ADGRL3: variants seen among roughly 807,000 people sequenced by gnomAD.
The protein encoded by ADGRL3 is calcium-independent alpha-latrotoxin receptor 3.
Under a neutral mutation model 153.5 loss-of-function variants are expected in ADGRL3, and 62 were observed. The observed-to-expected ratio is 0.40, with a 90% CI of 0.33 to 0.50. ADGRL3 has a LOEUF of 0.50. ADGRL3 is among the 20% of genes least tolerant of loss of function. The pLI, the probability that ADGRL3 is intolerant of heterozygous loss-of-function variation, is 0.47. For missense variants in ADGRL3, 1,641 were observed against 1,859.4 expected, an observed-to-expected ratio of 0.88 and a Z score of 2.16; for synonymous variants, 710 against 672.5, an observed-to-expected ratio of 1.06 and a Z score of -0.86.
At chr4:61,808,792 CT>C (rs79256517) in intron 8 of ADGRL3, among the ~76,000 whole-genome samples, 398 of 128,654 alleles carry the variant, frequency 3.1e-3, no homozygotes, top group Admixed American at 3.2e-3. Context: ...AGAAATCGGG[CT>C]TTTTTTTTTT....
At chr4:61,442,599 A>G (rs1463145571) in intron 2 of ADGRL3, among the ~76,000 whole-genome samples, 1 of 152,138 alleles carries the variant, frequency 6.6e-6, no homozygotes, top group African/African-American at 2.4e-5. Flanking sequence ...TGAGGAGTAG[A>G]AGAAAATAGT....
intron 9 of ADGRL3, among the ~76,000 whole-genome samples, chr4:61,878,824 C>A (rs2098491609): frequency 5.9e-5 from 9 of 152,028 alleles, no homozygotes; most frequent in Admixed American, 5.9e-4. Flanking sequence ...TTTTTACATT[C>A]CCTTGTGTGA....
intron 9 of ADGRL3, among the ~76,000 whole-genome samples, chr4:61,847,812 T>TATATATATATAATATAAA (rs1561351605): frequency 2.8e-4 from 2 of 7,024 alleles, no homozygotes; most frequent in African/African-American, 4.0e-4. Context: ...TAAAATATAT[T>TATATATATATAATATAAA]ATATATATAT....
chr4:61,847,643 TAATATAA>T (rs1159159404), intron 9 of ADGRL3, among the ~76,000 whole-genome samples: 3 of 51,502 alleles, frequency 5.8e-5, no homozygotes, highest in East Asian at 8.8e-4. Context: ...ATTATATATA[TAATATAA>T]AATATATTAT....
At chr4:61,663,690 C>T (rs2094687898) in intron 5 of ADGRL3, among the ~76,000 whole-genome samples, 1 of 152,176 alleles carries the variant, frequency 6.6e-6, no homozygotes, top group Admixed American at 6.6e-5. Context: ...AAAGTGACAT[C>T]CCACGTCTCC....
intron 5 of ADGRL3, among the ~76,000 whole-genome samples, chr4:61,663,694 C>T (rs573212800): frequency 4.6e-5 from 7 of 152,312 alleles, no homozygotes; most frequent in Admixed American, 6.5e-5. Context: ...TGACATCCCA[C>T]GTCTCCTGTG....
rs146722627 is a variant in ADGRL3, at chr4:62,070,615, C to T, written c.4339C>T (p.Pro1447Ser). The T allele has an allele frequency of 1.3e-6, 2 of 1,551,748 alleles. No individual in the cohort carries two copies. The highest frequency in any genetic ancestry group is 2.7e-5 in the African/African-American group (2 of 73,070). Residue 1447 changes from proline to serine, a missense_variant, in exon 27 of 27, where the codon CCC becomes TCC. Pro to Ser is a moderately conservative substitution (Grantham distance 74). Transcript: ENST00000683033. ...TNEHTEDLQS[P>S]HRDSLYTSMP... ...CGAGCACACAGAAGATCTCCAGTCA[C>T]CCCATAGAGACTCTCTCTATACCAG...
intron 2 of ADGRL3, among the ~76,000 whole-genome samples, chr4:61,472,990 G>C (rs940455781): frequency 2.6e-5 from 4 of 152,094 alleles, no homozygotes; most frequent in Non-Finnish European, 5.9e-5. Context: ...GCTTGTCAGT[G>C]CTACAAATAA....
chr4:61,710,200 T>A (rs1391951370), intron 6 of ADGRL3, among the ~76,000 whole-genome samples: 1 of 152,150 alleles, frequency 6.6e-6, no homozygotes, highest in Non-Finnish European at 1.5e-5. Flanking sequence ...TCAAAGCCTT[T>A]CTCCTTTGTG....
intron 1 of ADGRL3, among the ~76,000 whole-genome samples, chr4:61,266,895 A>G (rs1304356546): frequency 1.3e-5 from 2 of 151,726 alleles, no homozygotes; most frequent in African/African-American, 4.8e-5. Context: ...GTTCAAAATC[A>G]TAATTTCATT....
chr4:61,226,475 G>A (rs75021748), intron 1 of ADGRL3, among the ~76,000 whole-genome samples: 3,863 of 152,166 alleles, frequency 0.025, 196 homozygotes, highest in East Asian at 0.23. Flanking sequence ...CACATGTGTG[G>A]TTATTTTAAT....
chr4:61,975,593 A>C (rs1289544057), intron 17 of ADGRL3, among the ~76,000 whole-genome samples: 1 of 152,174 alleles, frequency 6.6e-6, no homozygotes, highest in Non-Finnish European at 1.5e-5. Flanking sequence ...TGTGACTTAT[A>C]TATAAAAAGA....
intron 25 of ADGRL3, among the ~76,000 whole-genome samples, chr4:62,052,632 G>T (rs1450449088): frequency 6.6e-6 from 1 of 151,232 alleles, no homozygotes; most frequent in Non-Finnish European, 1.5e-5. Flanking sequence ...TTTCCTGGAA[G>T]CTTTCAAAGT....
intron 1 of ADGRL3, among the ~76,000 whole-genome samples, chr4:61,207,470 C>T (rs1737859027): frequency 6.6e-6 from 1 of 152,116 alleles, no homozygotes; most frequent in Admixed American, 6.5e-5. Context: ...TGGGTTGGTT[C>T]CAAGTCTTTG....
At chr4:61,415,059 T>G (rs188667898) in intron 2 of ADGRL3, among the ~76,000 whole-genome samples, 1 of 152,030 alleles carries the variant, frequency 6.6e-6, no homozygotes, top group East Asian at 1.9e-4. Flanking sequence ...CTTATTTTAT[T>G]TTGACATTAG....
chr4:61,299,718 G>C (rs1042869216), intron 1 of ADGRL3, among the ~76,000 whole-genome samples: 1 of 152,034 alleles, frequency 6.6e-6, no homozygotes, highest in Non-Finnish European at 1.5e-5. Context: ...GTATACGTGA[G>C]GGCTATTGGT....
At chr4:61,687,186 T>G (rs965963729) in intron 6 of ADGRL3, among the ~76,000 whole-genome samples, 1 of 152,006 alleles carries the variant, frequency 6.6e-6, no homozygotes, top group African/African-American at 2.4e-5. Flanking sequence ...AAATACTTAT[T>G]ATATGATAGG....
chr4:61,883,801 TGTTGTAGCGTCC>T, intron 9 of ADGRL3, among the ~76,000 whole-genome samples: 1 of 152,244 alleles, frequency 6.6e-6, no homozygotes, highest in Non-Finnish European at 1.5e-5. Flanking sequence ...TAATTGATGA[TGTTGTAGCGTCC>T]ATAAGATACA....
chr4:61,749,046 A>C (rs182344215), intron 8 of ADGRL3, among the ~76,000 whole-genome samples: 1 of 150,510 alleles, frequency 6.6e-6, no homozygotes, highest in Non-Finnish European at 1.5e-5. Context: ...AAAAGTGGGC[A>C]AAGGACATGA....
Sources: gnomAD v4.1 joint callset for allele counts (sites outside exome capture counted in the v4.1 genomes callset) on GRCh38, gnomAD v4.1.1 for gene constraint, MANE v1.5 for transcripts, NCBI Gene and HGNC (gene_info 2026-07-23, HGNC 2026-07-21) for gene names.